Variants in WNK3 observed in about 807,000 individuals in gnomAD.
WNK3 encodes WNK lysine deficient protein kinase 3, also known as serine/threonine-protein kinase WNK3.
Under a neutral mutation model 116.7 loss-of-function variants are expected in WNK3, and 18 were observed. The observed-to-expected ratio is 0.15, with a 90% CI of 0.11 to 0.23. WNK3 has a LOEUF of 0.23. WNK3 is among the 10% of genes least tolerant of loss of function. WNK3 has a pLI of 1.00. For missense variants in WNK3, 993 were observed against 1,323.8 expected (o/e 0.75, Z 3.88); for synonymous variants, 404 against 469.4 (o/e 0.86, Z 1.80).
intron 10 of WNK3, among the ~76,000 whole-genome samples, chrX:54,288,307 T>G (rs2068602567): frequency 1.8e-5 from 2 of 111,702 alleles, no homozygotes; most frequent in African/African-American, 6.5e-5. Context: ...GTAATGGTGT[T>G]TGGAATACCT....
intron 2 of WNK3, among the ~76,000 whole-genome samples, chrX:54,325,853 C>CTATTA (rs1557173264): frequency 9.1e-6 from 1 of 109,887 alleles, no homozygotes; most frequent in African/African-American, 3.3e-5. Flanking sequence ...GAGGAAGAAA[C>CTATTA]TATTACAAAC....
intron 17 of WNK3, 81 bp downstream of exon 17, chrX:54,248,616 G>A: frequency 1.1e-6 from 1 of 878,550 alleles, no homozygotes; most frequent in Non-Finnish European, 1.6e-6. Context: ...TCATCTCAAA[G>A]GACAGAATTT....
At chrX:54,315,075 C>T (rs1046585555) in intron 2 of WNK3, among the ~76,000 whole-genome samples, 3 of 109,928 alleles carry the variant, frequency 2.7e-5, no homozygotes, top group Non-Finnish European at 3.8e-5. Context: ...GCAGGTGAAT[C>T]GTTCGAGCTC....
chrX:54,212,513 A>C (rs1557144029), intron 22 of WNK3, among the ~76,000 whole-genome samples: 1 of 112,659 alleles, frequency 8.9e-6, no homozygotes, highest in East Asian at 2.8e-4. Flanking sequence ...ACCTCATATA[A>C]GCGGGTAAAA....
intron 11 of WNK3, among the ~76,000 whole-genome samples, chrX:54,257,895 C>G (rs186701607): frequency 1.9e-5 from 2 of 108,084 alleles, no homozygotes; most frequent in Non-Finnish European, 3.8e-5. Flanking sequence ...TTTGTCATAC[C>G]AAAAACTAGA....
chrX:54,251,770 A>T (rs2146938442), intron 13 of WNK3, 83 bp from the exon 14 acceptor site: 2 of 989,092 alleles, frequency 2.0e-6, no homozygotes, highest in South Asian at 5.3e-5. Context: ...CTATCACATA[A>T]AGAAAGAAAA....
chrX:54,198,368 A>C (rs781868717), exon 24 of WNK3: 1 of 1,209,056 alleles, frequency 8.3e-7, no homozygotes, highest in Admixed American at 2.2e-5. Flanking sequence ...TGCACTGATG[A>C]AGTTGGAAAT....
intron 1 of WNK3, among the ~76,000 whole-genome samples, chrX:54,350,195 G>A (rs1401256309): frequency 9.0e-6 from 1 of 111,335 alleles, no homozygotes; most frequent in Non-Finnish European, 1.9e-5. Context: ...TGATCACGAG[G>A]TCAGGAGATC....
At chrX:54,193,695 AG>A (rs1222261445) in exon 24 of WNK3, 2 of 111,427 alleles carry the variant, frequency 1.8e-5, no homozygotes, top group Non-Finnish European at 3.8e-5. Context: ...GACTATTTCC[AG>A]GGTGACCTGA....
intron 10 of WNK3, among the ~76,000 whole-genome samples, chrX:54,283,094 A>C (rs1355641840): frequency 8.9e-6 from 1 of 111,964 alleles, no homozygotes; most frequent in Non-Finnish European, 1.9e-5. Flanking sequence ...AGTATCCAGA[A>C]TATATAAAGA....
chrX:54,292,852 T>A, intron 10 of WNK3, 36 bp downstream of exon 10: 1 of 1,182,560 alleles, frequency 8.5e-7, no homozygotes, highest in Non-Finnish European at 1.1e-6. Flanking sequence ...GTTTAATTTG[T>A]TTAAATGAAT....
intron 23 of WNK3, among the ~76,000 whole-genome samples, chrX:54,200,796 C>A (rs1377606633): frequency 9.0e-6 from 1 of 111,671 alleles, no homozygotes; most frequent in Non-Finnish European, 1.9e-5. Context: ...ACTGGCAGTA[C>A]AAATGCATTT....
At chrX:54,314,002 G>A (rs1472913386) in intron 2 of WNK3, among the ~76,000 whole-genome samples, 6 of 108,581 alleles carry the variant, frequency 5.5e-5, no homozygotes, top group Middle Eastern at 4.7e-3. Context: ...GACCAGCCTA[G>A]TCGACATGGT....
At chrX:54,297,199 T>C (rs1384222734) in intron 7 of WNK3, among the ~76,000 whole-genome samples, 2 of 111,411 alleles carry the variant, frequency 1.8e-5, no homozygotes, top group African/African-American at 6.5e-5. Flanking sequence ...ACTAGGTGCA[T>C]GCTTGCCATT....
At chrX:54,283,347 T>C (rs113316648) in intron 10 of WNK3, among the ~76,000 whole-genome samples, 2,906 of 111,685 alleles carry the variant, frequency 0.026, 101 homozygotes, top group African/African-American at 0.091. Flanking sequence ...TCTCCAAAGA[T>C]AATAAAAGAA....
chrX:54,228,694 GA>G lies in WNK3; in HGVS notation c.4870+19del. 1 of 472,499 alleles carries G rather than the reference GA, an allele frequency of 2.1e-6. No homozygotes were observed. The highest frequency in any genetic ancestry group is 3.3e-5 in the Admixed American group (1 of 30,184). 38.9% of individuals were successfully genotyped at this position (472,499 alleles called of 1,213,427 possible). A position where few individuals can be genotyped will look rare whatever the true frequency, so the allele number is the denominator to read the frequency against. On this transcript the variant is annotated intron_variant, in intron 22 of 23. Coordinates refer to ENST00000354646, the Ensembl canonical transcript of WNK3. ...ATTTTTTAAAAAAATTAAAAGTAAAGAAGCAAAAGAAATACTTACTTTCCAA... is the reference window on the plus strand; with the variant it reads ...ATTTTTTAAAAAAATTAAAAGTAAAGAGCAAAAGAAATACTTACTTTCCAA...
At chrX:54,348,269 C>T (rs1304603863) in intron 1 of WNK3, among the ~76,000 whole-genome samples, 1 of 109,906 alleles carries the variant, frequency 9.1e-6, no homozygotes, top group African/African-American at 3.3e-5. Context: ...CTCCACCTCC[C>T]GGGTTCAAGC....
chrX:54,255,041 G>A (rs2068175473), intron 12 of WNK3, among the ~76,000 whole-genome samples: 2 of 110,192 alleles, frequency 1.8e-5, no homozygotes, highest in Admixed American at 9.8e-5. Context: ...GTGCAATGGT[G>A]TGATCTCAGT....
chrX:54,237,182 T>C (rs782060243), exon 20 of WNK3: 6 of 1,211,055 alleles, frequency 5.0e-6, no homozygotes, highest in Non-Finnish European at 6.7e-6. Context: ...GCAGTCAATA[T>C]CTCTCTCTCT....
Sources: allele counts gnomAD v4.1 joint callset (sites outside exome capture counted in the v4.1 genomes callset), GRCh38; gene constraint gnomAD v4.1.1; transcripts MANE v1.5; gene names NCBI Gene and HGNC (gene_info 2026-07-23, HGNC 2026-07-21).